AMD1: variants seen among roughly 807,000 people sequenced by gnomAD.
AMD1 encodes the protein S-adenosylmethionine decarboxylase proenzyme.
Under a neutral mutation model 40.2 loss-of-function variants are expected in AMD1, and 11 were observed. The ratio of observed to expected loss-of-function variants is 0.27; its 90% CI spans 0.17 to 0.45. The LOEUF is 0.45. Ranked by LOEUF, AMD1 falls within the 20% of genes least tolerant of loss-of-function variation. AMD1 has a pLI of 1.00. For missense variants in AMD1, 257 were observed against 410.2 expected (o/e 0.63, Z 3.23); for synonymous variants, 121 against 130.8 (o/e 0.93, Z 0.51).
the AMD1 span, among the ~76,000 whole-genome samples, chr6:110,860,799 CAG>C: frequency 1.3e-5 from 2 of 150,042 alleles, no homozygotes; most frequent in Non-Finnish European, 3.0e-5. Flanking sequence ...GACTCCATCT[CAG>C]AAAAAAAACA....
At chr6:110,858,446 G>T in the AMD1 span, 5 of 1,021,522 alleles carry the variant, frequency 4.9e-6, no homozygotes, top group Non-Finnish European at 7.8e-6. Context: ...GCTACAGCCG[G>T]GCTCAGTCCT....
the AMD1 span, among the ~76,000 whole-genome samples, chr6:110,857,590 G>GATGTTATATATATATAAT: frequency 7.3e-6 from 1 of 136,582 alleles, no homozygotes; most frequent in Non-Finnish European, 1.5e-5. Flanking sequence ...TATATATATA[G>GATGTTATATATATATAAT]ATGGTATATA....
At chr6:110,880,783 C>G (rs1785366919) in intron 1 of AMD1, among the ~76,000 whole-genome samples, 1 of 152,126 alleles carries the variant, frequency 6.6e-6, no homozygotes, top group Admixed American at 6.5e-5. Flanking sequence ...AGTGATTCTC[C>G]TGCCTCAGCC....
intron 1 of AMD1, among the ~76,000 whole-genome samples, chr6:110,875,416 G>T (rs1289822670): frequency 1.3e-5 from 2 of 152,130 alleles, no homozygotes; most frequent in Admixed American, 1.3e-4. Context: ...GGCTTCTCCC[G>T]CCGTGGTTGC....
chr6:110,837,745 A>AAAT, the AMD1 span, among the ~76,000 whole-genome samples: 1 of 17,838 alleles, frequency 5.6e-5, no homozygotes, highest in African/African-American at 2.3e-4. Flanking sequence ...AAAAAAAAAA[A>AAAT]ATATATATAT....
intron 4 of AMD1, chr6:110,891,426 C>T (rs1583223239): frequency 6.6e-6 from 1 of 152,168 alleles, no homozygotes; most frequent in African/African-American, 2.4e-5. Context: ...TTTAAAATTG[C>T]ACAGTGTAAA....
chr6:110,815,190 C>T, the AMD1 span: 4 of 1,477,554 alleles, frequency 2.7e-6, no homozygotes, highest in Non-Finnish European at 2.7e-6. Flanking sequence ...CGCTCAGTCC[C>T]TCCTCCTCCT....
At chr6:110,818,281 T>A in the AMD1 span, among the ~76,000 whole-genome samples, 767 of 152,176 alleles carry the variant, frequency 5.0e-3, 2 homozygotes, top group African/African-American at 0.018. Flanking sequence ...CAAGTAGATT[T>A]TTAAAGGCAA....
chr6:110,859,579 C>G, the AMD1 span, among the ~76,000 whole-genome samples: 1 of 151,456 alleles, frequency 6.6e-6, no homozygotes, highest in Non-Finnish European at 1.5e-5. Flanking sequence ...TTTTTTTCCC[C>G]GAGGAATGGG....
chr6:110,882,116 A>G (rs1785439224), intron 1 of AMD1, among the ~76,000 whole-genome samples: 2 of 152,194 alleles, frequency 1.3e-5, no homozygotes. Context: ...AGCCTGATAA[A>G]ACATTCTAGC....
At chr6:110,874,178 A>G (rs1784976103), upstream of AMD1, among the ~76,000 whole-genome samples, 1 of 152,236 alleles carries the variant, frequency 6.6e-6, no homozygotes, top group South Asian at 2.1e-4. Context: ...TGTATAAACC[A>G]GCCGAGGACT....
At chr6:110,817,502 G>A in the AMD1 span, among the ~76,000 whole-genome samples, 9 of 152,032 alleles carry the variant, frequency 5.9e-5, no homozygotes, top group South Asian at 6.2e-4. Flanking sequence ...CCATTTACTC[G>A]GGAGGCTGAG....
chr6:110,824,446 G>C, the AMD1 span, among the ~76,000 whole-genome samples: 3 of 152,066 alleles, frequency 2.0e-5, no homozygotes, highest in African/African-American at 4.8e-5. Context: ...AGGATTAAGA[G>C]ATAAAAAATG....
intron 2 of AMD1, among the ~76,000 whole-genome samples, chr6:110,887,797 G>A (rs548158820): frequency 3.3e-5 from 5 of 151,762 alleles, no homozygotes; most frequent in Non-Finnish European, 7.4e-5. Flanking sequence ...GCAATTCTCC[G>A]GCCTAAGCCT....
the AMD1 span, among the ~76,000 whole-genome samples, chr6:110,819,281 T>C: frequency 5.9e-5 from 9 of 152,084 alleles, no homozygotes; most frequent in Non-Finnish European, 1.3e-4. Context: ...CACTTGAACC[T>C]GGGAGGCAGA....
chr6:110,841,939 A>G, the AMD1 span, among the ~76,000 whole-genome samples: 1 of 152,000 alleles, frequency 6.6e-6, no homozygotes, highest in East Asian at 1.9e-4. Flanking sequence ...GGTAGCTGGG[A>G]CTACAGGTGT....
chr6:110,820,585 A>G, the AMD1 span, among the ~76,000 whole-genome samples: 1 of 150,492 alleles, frequency 6.6e-6, no homozygotes, highest in Non-Finnish European at 1.5e-5. Context: ...TGCTCACAAA[A>G]TGGTTAGTAA....
intron 1 of AMD1, among the ~76,000 whole-genome samples, chr6:110,882,142 C>T (rs10457226): frequency 0.037 from 5,623 of 152,308 alleles, 131 homozygotes; most frequent in Middle Eastern, 0.071. Flanking sequence ...ACTATCTTTT[C>T]TATTTTTGAC....
At chr6:110,874,055 A>G (rs955262284), upstream of AMD1, among the ~76,000 whole-genome samples, 1 of 152,248 alleles carries the variant, frequency 6.6e-6, no homozygotes. Context: ...TGCTCAGCCA[A>G]TTCGGAGGCA....
Sources: gnomAD v4.1 joint callset for allele counts (sites outside exome capture counted in the v4.1 genomes callset) on GRCh38, gnomAD v4.1.1 for gene constraint, MANE v1.5 for transcripts, NCBI Gene and HGNC (gene_info 2026-07-23, HGNC 2026-07-21) for gene names.